RYR3: variants seen among roughly 807,000 people sequenced by gnomAD.
The protein encoded by RYR3 is ryanodine receptor 3, also known as brain ryanodine receptor-calcium release channel.
RYR3 carries 207 observed loss-of-function variants against 584.3 expected under a neutral mutation model. The observed-to-expected ratio is 0.35, with a 90% CI of 0.32 to 0.40. The LOEUF (loss-of-function observed/expected upper bound fraction) is 0.40, where lower values mean the gene tolerates loss of function less well. Ranked by LOEUF, RYR3 falls within the 10% of genes least tolerant of loss-of-function variation. The pLI, the probability that RYR3 is intolerant of heterozygous loss-of-function variation, is 1.00. For missense variants in RYR3, 5,616 were observed against 6,089.2 expected (o/e 0.92, Z 2.59); for synonymous variants, 2,416 against 2,248.5 (o/e 1.07, Z -2.11).
chr15:33,500,419 T>C (rs1345599225), intron 2 of RYR3, among the ~76,000 whole-genome samples: 7 of 152,102 alleles, frequency 4.6e-5, no homozygotes, highest in Admixed American at 3.9e-4. Flanking sequence ...AAATATGCCA[T>C]TATATAGATT....
chr15:33,523,815 T>C (rs746849319), intron 3 of RYR3, among the ~76,000 whole-genome samples: 2 of 152,082 alleles, frequency 1.3e-5, no homozygotes, highest in African/African-American at 2.4e-5. Context: ...GATGTTTACT[T>C]TGGAGTCTGG....
Position 33,722,756 on chromosome 15 carries a change from C to T in RYR3, c.6661C>T (p.Leu2221Phe), listed in dbSNP as rs2068039025. 2 of 1,613,174 alleles carry T rather than the reference C, an allele frequency of 1.2e-6. No homozygotes were observed. Among genetic ancestry groups the T allele is most frequent in the South Asian group, 1.1e-5 (1 of 90,932 alleles). ...EENASVVVKL[L>F]IRRPECFGPA... ...AAACGCCAGCGTTGTGGTCAAGCTG[C>T]TCATCAGACGCCCAGAGTGCTTCGG... Residue 2221 changes from leucine (L) to phenylalanine (F), a missense_variant, in exon 44 of 104, where the codon CTC becomes TTC. Physicochemically the swap from Leu to Phe is conservative, Grantham distance 22. This residue lies in a region of RYR3 where 1,280 missense variants were observed against 1,426.2 expected (regional missense o/e 0.90). Transcript: ENST00000634891.
In RYR3 at chr15:33,382,319, C is replaced by CTTTTTTTTTT. The variant is rs34767570; in HGVS notation, c.51+71236_51+71245dup. Reference sequence around the variant, plus strand: ...CAGGAACTGCTAATTTTAAAAGTGGCTTTTTTTTTTTTTTTTTTTTTTGAG... The same window carrying CTTTTTTTTTT: ...CAGGAACTGCTAATTTTAAAAGTGGCTTTTTTTTTTTTTTTTTTTTTTTTTTTTTTTTGAG... On this transcript the variant is annotated intron_variant, in intron 1 of 103. Coordinates refer to ENST00000634891, the MANE Select transcript of RYR3 (RefSeq NM_001036.6). Among the ~76,000 whole-genome samples the CTTTTTTTTTT allele has an allele frequency of 1.0e-3, 107 of 104,778 alleles. 3 individuals are homozygous for CTTTTTTTTTT. Among genetic ancestry groups the CTTTTTTTTTT allele is most frequent in the African/African-American group, 2.7e-3 (67 of 24,698 alleles). 68.7% of individuals were successfully genotyped at this position (104,778 alleles called of 152,430 possible).
chr15:33,702,206 C>T (rs1432110344), intron 42 of RYR3, among the ~76,000 whole-genome samples: 1 of 152,164 alleles, frequency 6.6e-6, no homozygotes. Context: ...TGCTCCTACC[C>T]ATTTTATTAC....
At chr15:33,611,319 A>C (rs551135006) in intron 18 of RYR3, among the ~76,000 whole-genome samples, 1 of 152,132 alleles carries the variant, frequency 6.6e-6, no homozygotes, top group East Asian at 1.9e-4. Context: ...CACTTTGGGA[A>C]GCCAAGGCAG....
chr15:33,597,239 A>G (rs535824803), intron 16 of RYR3, among the ~76,000 whole-genome samples: 6 of 152,320 alleles, frequency 3.9e-5, no homozygotes, highest in African/African-American at 1.4e-4. Context: ...TGATGAATAA[A>G]TGCAAACAAA....
intron 10 of RYR3, among the ~76,000 whole-genome samples, chr15:33,557,264 A>G (rs1020859918): frequency 1.3e-4 from 20 of 152,258 alleles, no homozygotes; most frequent in Non-Finnish European, 2.8e-4. Context: ...CATGTGTGAT[A>G]CATACCACTT....
chr15:33,740,512 C>G (rs1292431973), intron 51 of RYR3, among the ~76,000 whole-genome samples: 1 of 152,198 alleles, frequency 6.6e-6, no homozygotes. Flanking sequence ...CAGAATAGCC[C>G]TACCATTGCA....
At chr15:33,385,980 A>G (rs374791128) in intron 1 of RYR3, among the ~76,000 whole-genome samples, 1 of 152,116 alleles carries the variant, frequency 6.6e-6, no homozygotes, top group East Asian at 1.9e-4. Context: ...GACTGGGATA[A>G]CAGATGTGAG....
intron 3 of RYR3, among the ~76,000 whole-genome samples, chr15:33,519,832 G>A (rs917231297): frequency 5.3e-5 from 8 of 152,002 alleles, no homozygotes; most frequent in African/African-American, 1.9e-4. Flanking sequence ...CACATACACA[G>A]GACCCTGGAG....
chr15:33,859,759 A>T (rs2080129774), intron 100 of RYR3, 28 bp downstream of exon 100: 1 of 1,584,920 alleles, frequency 6.3e-7, no homozygotes, highest in African/African-American at 1.3e-5. Context: ...GTTGAGTATG[A>T]ACAGGGTTTA....
At chr15:33,351,935 A>C (rs1215236301) in intron 1 of RYR3, among the ~76,000 whole-genome samples, 2 of 151,846 alleles carry the variant, frequency 1.3e-5, no homozygotes, top group African/African-American at 4.8e-5. Flanking sequence ...GAAGGAAATA[A>C]AGGGTATTCA....
At chr15:33,667,611 A>G (rs2063556775) in intron 36 of RYR3, among the ~76,000 whole-genome samples, 1 of 152,098 alleles carries the variant, frequency 6.6e-6, no homozygotes, top group African/African-American at 2.4e-5. Context: ...CTACATCACA[A>G]ATTTGATTTC....
At position 33,660,322 on chromosome 15, in the gene RYR3, C is replaced by T. The variant is rs201164828; in HGVS notation, c.4521C>T (p.Phe1507=). ...TCTGGAGCCGCATGCCCAACAGCTTCCTGAAGGTGGAGACCGAGCGTGTGA... is the reference window on the plus strand; with the variant it reads ...TCTGGAGCCGCATGCCCAACAGCTTTCTGAAGGTGGAGACCGAGCGTGTGA... ...PVLWSRMPNS[F]LKVETERVSE... The change falls in exon 34 of 104, where the codon TTC becomes TTT. Residue 1507 remains phenylalanine (F), a synonymous_variant. Coordinates refer to ENST00000634891, the MANE Select transcript of RYR3 (RefSeq NM_001036.6). 79 of 1,589,136 alleles carry T rather than the reference C, an allele frequency of 5.0e-5. No individual in the cohort carries two copies. The Admixed American group carries it at 1.3e-3, about 27-fold the overall frequency.
At chr15:33,688,442 G>A (rs1310733665) in intron 38 of RYR3, among the ~76,000 whole-genome samples, 5 of 151,758 alleles carry the variant, frequency 3.3e-5, no homozygotes, top group Non-Finnish European at 5.9e-5. Flanking sequence ...GCGTGGTGGC[G>A]GGCACCTGTA....
At chr15:33,744,390 A>T (rs1436149876) in intron 52 of RYR3, among the ~76,000 whole-genome samples, 1 of 152,158 alleles carries the variant, frequency 6.6e-6, no homozygotes, top group Non-Finnish European at 1.5e-5. Flanking sequence ...TGTAAGCTTC[A>T]TGAGGGCATA....
intron 2 of RYR3, among the ~76,000 whole-genome samples, chr15:33,495,657 G>A (rs536576213): frequency 3.9e-3 from 599 of 152,166 alleles, no homozygotes; most frequent in Non-Finnish European, 7.2e-3. Flanking sequence ...CCTCTAATAT[G>A]GTTGTACAGC....
chr15:33,776,229 G>C (rs2073984431), intron 64 of RYR3, among the ~76,000 whole-genome samples: 1 of 152,210 alleles, frequency 6.6e-6, no homozygotes. Context: ...CAAAGTCACT[G>C]AAACAGAGTA....
At chr15:33,494,477 A>G (rs1044945283) in intron 2 of RYR3, among the ~76,000 whole-genome samples, 18 of 152,140 alleles carry the variant, frequency 1.2e-4, no homozygotes, top group African/African-American at 4.8e-5. Flanking sequence ...GTGCTATGAT[A>G]GTGTTTTTCC....
Sources: allele counts gnomAD v4.1 joint callset (sites outside exome capture counted in the v4.1 genomes callset), GRCh38; gene constraint gnomAD v4.1.1; regional missense constraint gnomAD v4.1.1; transcripts MANE v1.5; gene names NCBI Gene and HGNC (gene_info 2026-07-23, HGNC 2026-07-21).